Variants in TLK1 observed in about 807,000 individuals in gnomAD.
TLK1 encodes tousled like kinase 1.
In TLK1, 24 loss-of-function variants were observed where a neutral mutation model predicts 105.3. The observed-to-expected ratio is 0.23, with a 90% CI of 0.17 to 0.32. TLK1 has a LOEUF of 0.32. TLK1 is among the 10% of genes least tolerant of loss of function. The pLI is 1.00. For synonymous variants in TLK1, 321 were observed against 310.4 expected (o/e 1.03, Z -0.36); for missense variants, 558 against 910.5 (o/e 0.61, Z 4.98).
chr2:171,012,950 T>C (rs576551378), intron 13 of TLK1, among the ~76,000 whole-genome samples: 18 of 152,272 alleles, frequency 1.2e-4, no homozygotes, highest in African/African-American at 4.3e-4. Context: ...ATCCACAAAA[T>C]TTGAAATGTA....
intron 11 of TLK1, chr2:171,045,263 C>G (rs532863934): frequency 7.1e-6 from 1 of 140,124 alleles, no homozygotes; most frequent in South Asian, 2.3e-4. Flanking sequence ...AAGTCTCACT[C>G]TTGTCCCCCA....
intron 1 of TLK1, among the ~76,000 whole-genome samples, chr2:171,184,358 T>G (rs906266726): frequency 6.6e-5 from 10 of 152,162 alleles, no homozygotes; most frequent in Admixed American, 5.9e-4. Context: ...ATTAGAAAAC[T>G]AGTGCCAGGC....
chr2:171,073,423 A>G (rs1688351664), intron 3 of TLK1, among the ~76,000 whole-genome samples: 1 of 152,178 alleles, frequency 6.6e-6, no homozygotes, highest in Non-Finnish European at 1.5e-5. Flanking sequence ...ATGACCTACA[A>G]GAACTCAACT....
intron 2 of TLK1, among the ~76,000 whole-genome samples, chr2:171,101,302 C>T (rs1311985513): frequency 2.1e-5 from 3 of 141,380 alleles, no homozygotes; most frequent in Admixed American, 1.5e-4. Context: ...GCCAAGATAG[C>T]GCCACTGCAC....
At chr2:171,007,386 A>G (rs1210780387) in intron 14 of TLK1, among the ~76,000 whole-genome samples, 1 of 152,086 alleles carries the variant, frequency 6.6e-6, no homozygotes, top group Non-Finnish European at 1.5e-5. Context: ...ACTAGTAGTA[A>G]GCAGCCAGGA....
intron 1 of TLK1, among the ~76,000 whole-genome samples, chr2:171,143,564 G>A (rs1024253703): frequency 7.6e-6 from 1 of 130,874 alleles, no homozygotes; most frequent in African/African-American, 2.8e-5. Flanking sequence ...AAAAAAGGTG[G>A]GGGAGGTGGA....
At chr2:171,174,111 T>A (rs1692778015) in intron 1 of TLK1, among the ~76,000 whole-genome samples, 1 of 152,244 alleles carries the variant, frequency 6.6e-6, no homozygotes, top group Non-Finnish European at 1.5e-5. Context: ...TTTCTAGCAC[T>A]ATGTGATTCT....
chr2:171,165,595 C>A (rs981379803), upstream of TLK1, among the ~76,000 whole-genome samples: 1 of 152,164 alleles, frequency 6.6e-6, no homozygotes, highest in African/African-American at 2.4e-5. Flanking sequence ...GCCACCTAAG[C>A]CCCTTTCCCC....
rs1553481550 is a variant in TLK1, at chr2:171,129,880, C to CATAAT, written c.140-12024_140-12023insATTAT. 2.4e-3 allele frequency among the ~76,000 whole-genome samples: 361 copies of CATAAT among 150,846 alleles called. 1 individual carries two copies. The highest frequency in any genetic ancestry group is 7.6e-3 in the African/African-American group (309 of 40,722). ...CATAACATAACATAACATAACATAA[C>CATAAT]ATAACATGGGTAAAATTCTAAATAT... On this transcript the variant is annotated intron_variant, in intron 1 of 20. Transcript: ENST00000431350.
intron 1 of TLK1, among the ~76,000 whole-genome samples, chr2:171,198,782 A>G (rs932279154): frequency 1.3e-5 from 2 of 152,218 alleles, no homozygotes; most frequent in African/African-American, 4.8e-5. Flanking sequence ...CAATCTAGAA[A>G]AGCAAATGTT....
chr2:171,085,449 AGTT>A (rs1688930712), intron 2 of TLK1, among the ~76,000 whole-genome samples: 1 of 152,076 alleles, frequency 6.6e-6, no homozygotes, highest in African/African-American at 2.4e-5. Context: ...TCTTGTTGTC[AGTT>A]GTTGTTTTTT....
At chr2:171,107,672 G>T (rs897328915) in intron 2 of TLK1, among the ~76,000 whole-genome samples, 3 of 152,146 alleles carry the variant, frequency 2.0e-5, no homozygotes, top group African/African-American at 7.2e-5. Flanking sequence ...ACTGATAAAA[G>T]ATCTCTAAAG....
intron 1 of TLK1, among the ~76,000 whole-genome samples, chr2:171,218,735 G>T (rs1272185768): frequency 6.6e-6 from 1 of 152,116 alleles, no homozygotes; most frequent in Non-Finnish European, 1.5e-5. Flanking sequence ...AGTGCAAAAA[G>T]GGGGCAAATA....
At chr2:171,169,164 T>G (rs1221803854) in intron 1 of TLK1, among the ~76,000 whole-genome samples, 1 of 152,170 alleles carries the variant, frequency 6.6e-6, no homozygotes, top group South Asian at 2.1e-4. Flanking sequence ...AGAAAAAATG[T>G]GTCTGTGCTT....
Position 171,126,831 on chromosome 2 carries a change from T to C in TLK1, c.140-8974A>G, listed in dbSNP as rs560531566. Among the ~76,000 whole-genome samples, 3 of 151,930 alleles carry C rather than the reference T, an allele frequency of 2.0e-5. No individual in the cohort carries two copies. The South Asian group carries it at 6.2e-4, about 32-fold the overall frequency. ...TAAAGCTTTTCTTCTATTAATACTT[T>C]ACATATTATACTAGATAAGGCAGAG... On this transcript the variant is annotated intron_variant, in intron 1 of 20. Transcript: ENST00000431350.
At chr2:171,205,137 C>T (rs913674408) in intron 1 of TLK1, among the ~76,000 whole-genome samples, 26 of 151,782 alleles carry the variant, frequency 1.7e-4, no homozygotes, top group Admixed American at 1.2e-3. Context: ...TGCTTGAGCC[C>T]GGGAGTTAGA....
intron 1 of TLK1, among the ~76,000 whole-genome samples, chr2:171,216,176 G>C (rs1246001163): frequency 6.6e-6 from 1 of 152,024 alleles, no homozygotes; most frequent in Non-Finnish European, 1.5e-5. Context: ...TAACCACTAT[G>C]CTGCCTTAAA....
intron 10 of TLK1, 28 bp from the exon 11 acceptor site, chr2:171,046,390 T>A: frequency 6.5e-7 from 1 of 1,547,350 alleles, no homozygotes; most frequent in South Asian, 1.3e-5. Flanking sequence ...AATAAAACCA[T>A]ATTAACCTTC....
chr2:171,215,727 G>A (rs962382163), intron 1 of TLK1, among the ~76,000 whole-genome samples: 3 of 152,156 alleles, frequency 2.0e-5, no homozygotes, highest in Admixed American at 1.3e-4. Context: ...TGACTTTATA[G>A]TCTGTCAGAG....
Sources: allele counts gnomAD v4.1 joint callset (sites outside exome capture counted in the v4.1 genomes callset), GRCh38; gene constraint gnomAD v4.1.1; transcripts MANE v1.5; gene names NCBI Gene and HGNC (gene_info 2026-07-23, HGNC 2026-07-21).